The following TNPO1 variants were observed in gnomAD, a reference collection of about 807,000 sequenced individuals.
The protein encoded by TNPO1 is transportin-1.
TNPO1 carries 8 observed loss-of-function variants against 119.5 expected under a neutral mutation model. The observed-to-expected ratio is 0.07, with a 90% CI of 0.04 to 0.12. The LOEUF is 0.12. Ranked by LOEUF, TNPO1 falls within the 10% of genes least tolerant of loss-of-function variation. The probability of loss-of-function intolerance (pLI) is 1.00; values close to 1 mark genes in which losing one functional copy is unlikely to be tolerated. For missense variants in TNPO1, 576 were observed against 1,089.8 expected, an observed-to-expected ratio of 0.53 and a Z score of 6.64; for synonymous variants, 362 against 363.0, an observed-to-expected ratio of 1.00 and a Z score of 0.03.
At chr5:72,903,558 C>T (rs1749936416) in intron 22 of TNPO1, 151 bp from the exon 23 acceptor site, 1 of 582,834 alleles carries the variant, frequency 1.7e-6, no homozygotes, top group Non-Finnish European at 3.0e-6. Flanking sequence ...AAGGTAATCT[C>T]TTCTAATTCC....
chr5:72,857,234 C>T (rs1308966908), intron 4 of TNPO1, among the ~76,000 whole-genome samples: 1 of 151,802 alleles, frequency 6.6e-6, no homozygotes, highest in Non-Finnish European at 1.5e-5. Context: ...AGGAAAATTG[C>T]TTGAACCCGG....
intron 13 of TNPO1, among the ~76,000 whole-genome samples, chr5:72,888,770 A>T (rs1310803533): frequency 6.6e-6 from 1 of 152,208 alleles, no homozygotes; most frequent in Non-Finnish European, 1.5e-5. Flanking sequence ...ACCATAACTC[A>T]GAAAGTCCCA....
chr5:72,881,820 C>G (rs1701035385), intron 9 of TNPO1, among the ~76,000 whole-genome samples: 1 of 151,990 alleles, frequency 6.6e-6, no homozygotes, highest in South Asian at 2.1e-4. Context: ...TTTCTTATAC[C>G]CAGAGACCCT....
rs893016428 is a variant in TNPO1, at chr5:72,911,369, T to C, written c.*2696T>C. ...TTAATTTGAAAATAGAAAATAAAAT[T>C]AGGTAAATATGACTGGCAACCTGAA... On this transcript the variant is annotated 3_prime_UTR_variant, in exon 25 of 25. Transcript: ENST00000337273. The C allele has an allele frequency of 1.3e-5, 2 of 152,416 alleles. No individual in the cohort carries two copies. Among genetic ancestry groups the C allele is most frequent in the African/African-American group, 4.8e-5 (2 of 41,432 alleles). The allele number at this position is 152,416 out of a possible 1,614,324, so 9.4% of individuals were successfully genotyped here.
chr5:72,871,986 G>T (rs1267385451), intron 6 of TNPO1: 1 of 152,160 alleles, frequency 6.6e-6, no homozygotes, highest in African/African-American at 2.4e-5. Context: ...AATATTTACT[G>T]TTTGACCTTT....
At chr5:72,829,238 T>C (rs750956067) in intron 1 of TNPO1, among the ~76,000 whole-genome samples, 2 of 152,192 alleles carry the variant, frequency 1.3e-5, no homozygotes, top group Non-Finnish European at 2.9e-5. Context: ...GAATGCTCCA[T>C]TGGATTTTTG....
intron 20 of TNPO1, among the ~76,000 whole-genome samples, chr5:72,899,288 G>C (rs1176413661): frequency 6.6e-6 from 1 of 152,020 alleles, no homozygotes; most frequent in Non-Finnish European, 1.5e-5. Context: ...TAAAGTTAGT[G>C]GACTGTTACC....
In TNPO1 at chr5:72,909,861, C is replaced by A. The variant is rs1750441496; in HGVS notation, c.*1188C>A. The A allele has an allele frequency of 6.6e-6, 1 of 152,488 alleles. No homozygotes were observed. Among genetic ancestry groups the A allele is most frequent in the Non-Finnish European group, 1.5e-5 (1 of 68,010 alleles). The allele number at this position is 152,488 out of a possible 1,614,324, so 9.4% of individuals were successfully genotyped here. ...AATGTGGAAAGCTGATATACCTGTG[C>A]AAAATCTTTGCCTCTGTGCTGTCAG... On this transcript the variant is annotated 3_prime_UTR_variant, in exon 25 of 25. Coordinates refer to ENST00000337273, the MANE Select transcript of TNPO1 (RefSeq NM_002270.4).
chr5:72,906,325 T>A (rs2545644), intron 24 of TNPO1, among the ~76,000 whole-genome samples: 1 of 113,760 alleles, frequency 8.8e-6, no homozygotes, highest in Admixed American at 1.3e-4. Context: ...AGACAGAGAC[T>A]CTTTCGCCCA....
chr5:72,885,469 T>C (rs1225626112), intron 11 of TNPO1, among the ~76,000 whole-genome samples: 2 of 152,236 alleles, frequency 1.3e-5, no homozygotes, highest in Non-Finnish European at 2.9e-5. Flanking sequence ...CCAAAAGCTT[T>C]TCTGTGCGTG....
At chr5:72,903,937 G>C (rs1379380876) in intron 23 of TNPO1, among the ~76,000 whole-genome samples, 154 bp downstream of exon 23, 1 of 152,140 alleles carries the variant, frequency 6.6e-6, no homozygotes, top group African/African-American at 2.4e-5. Flanking sequence ...AACAAAGTTG[G>C]CTTGATCTTT....
intron 14 of TNPO1, among the ~76,000 whole-genome samples, chr5:72,891,358 G>A (rs910037893): frequency 3.9e-5 from 6 of 151,964 alleles, no homozygotes; most frequent in East Asian, 2.0e-4. Flanking sequence ...CCAGCTACTC[G>A]GGAGGCTGAG....
intron 1 of TNPO1, among the ~76,000 whole-genome samples, chr5:72,828,734 T>G (rs1372250115): frequency 6.7e-6 from 1 of 148,758 alleles, no homozygotes; most frequent in Admixed American, 6.8e-5. Context: ...ATTTTTTTTC[T>G]ACCAGTACCT....
intron 6 of TNPO1, among the ~76,000 whole-genome samples, chr5:72,870,697 C>T (rs1008757483): frequency 6.6e-6 from 1 of 152,078 alleles, no homozygotes; most frequent in Non-Finnish European, 1.5e-5. Flanking sequence ...CCTAACTGTT[C>T]CCAAGTTTCT....
intron 6 of TNPO1, among the ~76,000 whole-genome samples, chr5:72,869,621 G>A (rs1004052423): frequency 1.3e-5 from 2 of 152,044 alleles, no homozygotes; most frequent in Non-Finnish European, 2.9e-5. Flanking sequence ...AATTTGACCT[G>A]GAATATGCAG....
chr5:72,863,739 C>CA (rs1197299206), intron 5 of TNPO1, among the ~76,000 whole-genome samples: 1,654 of 68,958 alleles, frequency 0.024, 20 homozygotes, highest in African/African-American at 0.054. Flanking sequence ...CCAGCCATCT[C>CA]AAAAAAAAAA....
chr5:72,839,730 A>G (rs1446710539), intron 1 of TNPO1, among the ~76,000 whole-genome samples: 1 of 152,232 alleles, frequency 6.6e-6, no homozygotes, highest in East Asian at 1.9e-4. Context: ...AGTAAGAAAT[A>G]ATGGAAATTG....
intron 1 of TNPO1, among the ~76,000 whole-genome samples, chr5:72,821,636 T>G (rs573275369): frequency 6.6e-6 from 1 of 152,196 alleles, no homozygotes; most frequent in Non-Finnish European, 1.5e-5. Flanking sequence ...GGATTATCTC[T>G]TGTCGAGAGA....
intron 9 of TNPO1, among the ~76,000 whole-genome samples, chr5:72,881,940 T>G (rs1748274726): frequency 6.6e-6 from 1 of 152,168 alleles, no homozygotes; most frequent in African/African-American, 2.4e-5. Flanking sequence ...AACTCAAACT[T>G]TTTTTGAGTG....
Sources: gnomAD v4.1 joint callset for allele counts (sites outside exome capture counted in the v4.1 genomes callset) on GRCh38, gnomAD v4.1.1 for gene constraint, MANE v1.5 for transcripts, NCBI Gene and HGNC (gene_info 2026-07-23, HGNC 2026-07-21) for gene names.